Variants in PUM3 observed in about 807,000 individuals in gnomAD.
PUM3 encodes the protein pumilio RNA binding family member 3, also known as pumilio homolog 3.
Under a neutral mutation model 84.0 loss-of-function variants are expected in PUM3, and 91 were observed. The ratio of observed to expected loss-of-function variants is 1.08; its 90% CI spans 0.91 to 1.29. PUM3 has a LOEUF of 1.29. Ranked by LOEUF, PUM3 falls within the 50% of genes most tolerant of loss-of-function variation. PUM3 has a pLI of 0.00. For missense variants in PUM3, 1,067 were observed against 767.5 expected (o/e 1.39, Z -4.61); for synonymous variants, 321 against 266.7 (o/e 1.20, Z -1.98).
At position 2,822,423 on chromosome 9, in the gene PUM3, C is replaced by G. The variant is rs566512014; in HGVS notation, c.1188+1358G>C. Among the ~76,000 whole-genome samples the G allele has an allele frequency of 2.6e-5, 4 of 151,832 alleles. 1 individual carries two copies. The East Asian group carries it at 7.7e-4, about 29-fold the overall frequency. Reference sequence around the variant, plus strand: ...CCCCAATATTTGGAAATTAATAATTCCAAATAATCCATGGATCAAATCCAT... The same window carrying G: ...CCCCAATATTTGGAAATTAATAATTGCAAATAATCCATGGATCAAATCCAT... On this transcript the variant is annotated intron_variant, in intron 12 of 17. Coordinates refer to ENST00000397885, the MANE Select transcript of PUM3 (RefSeq NM_014878.5).
At chr9:2,830,036 C>A in intron 7 of PUM3, 88 bp from the exon 8 acceptor site, 1 of 1,157,704 alleles carries the variant, frequency 8.6e-7, no homozygotes, top group South Asian at 1.4e-5. Context: ...CCAAGACCAA[C>A]TCATCAATCT....
rs1201377491 is a variant in PUM3, at chr9:2,822,569, T to C, written c.1188+1212A>G. Among the ~76,000 whole-genome samples, 4 of 151,654 alleles carry C rather than the reference T, an allele frequency of 2.6e-5. No homozygotes were observed. The South Asian group carries it at 8.3e-4, about 31-fold the overall frequency. ...GAACTAAAACAATATAATTTTATTA[T>C]TTTAAAATGTTATACTCTTAATACC... On this transcript the variant is annotated intron_variant, in intron 12 of 17. Coordinates refer to ENST00000397885, the MANE Select transcript of PUM3 (RefSeq NM_014878.5).
rs115384934 is a variant in PUM3, at chr9:2,811,073, T to C, written c.1635+288A>G. 3.3e-3 allele frequency among the ~76,000 whole-genome samples: 508 copies of C among 152,322 alleles called. 2 individuals carry two copies. Among genetic ancestry groups the C allele is most frequent in the African/African-American group, 0.012 (494 of 41,584 alleles). On this transcript the variant is annotated intron_variant, in intron 15 of 17. Coordinates refer to ENST00000397885, the MANE Select transcript of PUM3 (RefSeq NM_014878.5). The stretch of plus-strand genomic sequence containing the variant: ...GGCTTCTCTAAGATCCATGGCCCAC[T>C]TCTCTTCCCCAATCGCAGGTGTCAG...
At chr9:2,827,262 C>A in intron 9 of PUM3, 111 bp from the exon 10 acceptor site, 1 of 679,028 alleles carries the variant, frequency 1.5e-6, no homozygotes, top group Non-Finnish European at 2.4e-6. Flanking sequence ...AATGGTTTTA[C>A]TGAATACAAT....
intron 3 of PUM3, among the ~76,000 whole-genome samples, chr9:2,836,705 T>A (rs1816130460): frequency 6.6e-6 from 1 of 152,170 alleles, no homozygotes; most frequent in African/African-American, 2.4e-5. Context: ...CACCAAAGCA[T>A]CCTTAACCAA....
chr9:2,842,279 T>C (rs1487162015), intron 1 of PUM3, among the ~76,000 whole-genome samples: 1 of 152,216 alleles, frequency 6.6e-6, no homozygotes, highest in African/African-American at 2.4e-5. Context: ...TTAGATCCTA[T>C]CTGCTTTGAT....
intron 3 of PUM3, among the ~76,000 whole-genome samples, chr9:2,835,411 C>A (rs1165311913): frequency 1.3e-5 from 2 of 151,876 alleles, no homozygotes; most frequent in Admixed American, 6.6e-5. Context: ...CAAAGTGAGA[C>A]CCTCAAAAAA....
At chr9:2,832,318 T>C (rs1816004758) in intron 5 of PUM3, among the ~76,000 whole-genome samples, 1 of 152,200 alleles carries the variant, frequency 6.6e-6, no homozygotes, top group South Asian at 2.1e-4. Context: ...ACTTTACAGA[T>C]GAGGGAAGTA....
chr9:2,804,581 C>T (rs1821223961), intron 17 of PUM3, 118 bp from the exon 18 acceptor site: 2 of 855,350 alleles, frequency 2.3e-6, no homozygotes, highest in Non-Finnish European at 3.4e-6. Context: ...ACTATATACA[C>T]ATTATTTTTC....
At chr9:2,810,117 C>CGGGGG (rs373259463) in intron 16 of PUM3, among the ~76,000 whole-genome samples, 3 of 51,110 alleles carry the variant, frequency 5.9e-5, no homozygotes, top group African/African-American at 2.1e-4. Flanking sequence ...GGGGGGCTGG[C>CGGGGG]GGGGGGGGTT....
intron 15 of PUM3, among the ~76,000 whole-genome samples, 155 bp from the exon 16 acceptor site, chr9:2,810,586 A>G (rs1193744729): frequency 6.6e-6 from 1 of 152,212 alleles, no homozygotes; most frequent in Non-Finnish European, 1.5e-5. Context: ...TAGGACAACC[A>G]TCATACTTGG....
chr9:2,807,733 A>G, intron 17 of PUM3, 81 bp downstream of exon 17: 7 of 876,906 alleles, frequency 8.0e-6, no homozygotes, highest in Non-Finnish European at 1.3e-5. Flanking sequence ...AACAAATATT[A>G]GAACTGAGAA....
intron 5 of PUM3, among the ~76,000 whole-genome samples, chr9:2,831,959 T>C (rs1292659218): frequency 6.6e-6 from 1 of 152,152 alleles, no homozygotes; most frequent in Non-Finnish European, 1.5e-5. Flanking sequence ...AACCCATTCC[T>C]CCTCATGACT....
At chr9:2,808,211 T>C (rs930939696) in intron 16 of PUM3, among the ~76,000 whole-genome samples, 1 of 152,264 alleles carries the variant, frequency 6.6e-6, no homozygotes, top group Non-Finnish European at 1.5e-5. Context: ...TATTATTTAA[T>C]GATTTAACTT....
chr9:2,805,289 T>A (rs1821237169), intron 17 of PUM3, among the ~76,000 whole-genome samples: 1 of 152,158 alleles, frequency 6.6e-6, no homozygotes, highest in Non-Finnish European at 1.5e-5. Context: ...GAGTACTCTA[T>A]CAGAAGTGAA....
chr9:2,823,556 T>C (rs1456540877), intron 12 of PUM3, among the ~76,000 whole-genome samples: 1 of 152,062 alleles, frequency 6.6e-6, no homozygotes, highest in Non-Finnish European at 1.5e-5. Context: ...AGTAGAGAAC[T>C]ATCACAATAC....
At chr9:2,824,894 G>A in intron 10 of PUM3, 79 bp from the exon 11 acceptor site, 1 of 961,348 alleles carries the variant, frequency 1.0e-6, no homozygotes. Context: ...GTCTACAGGG[G>A]GCAGTTATGC....
In PUM3 at chr9:2,833,404, T is replaced by C. The variant is rs760449250; in HGVS notation, c.469A>G (p.Lys157Glu). 1.2e-5 allele frequency: 19 copies of C among 1,589,636 alleles called. No individual in the cohort carries two copies. The Admixed American group carries it at 2.4e-4, about 20-fold the overall frequency. The change falls in exon 5 of 18, where the codon AAG becomes GAG. Residue 157 changes from lysine (K) to glutamate (E), a missense_variant. Transcript: ENST00000397885. ...AACTTCTGCAAATCACTCATTAACTTTACTCTTTTTTCTTTGTCACAGTCT... is the reference window on the plus strand; with the variant it reads ...AACTTCTGCAAATCACTCATTAACTCTACTCTTTTTTCTTTGTCACAGTCT... ...RKDCDKEKRV[K>E]LMSDLQKLIQ...
chr9:2,804,747 C>G (rs1021326939), intron 17 of PUM3, among the ~76,000 whole-genome samples: 6 of 152,224 alleles, frequency 3.9e-5, no homozygotes, highest in African/African-American at 1.4e-4. Flanking sequence ...TATCTTAGGA[C>G]TTACTTACAT....
Sources: gnomAD v4.1 joint callset for allele counts (sites outside exome capture counted in the v4.1 genomes callset) on GRCh38, gnomAD v4.1.1 for gene constraint, MANE v1.5 for transcripts, NCBI Gene and HGNC (gene_info 2026-07-23, HGNC 2026-07-21) for gene names.